The following TWSG1 variants were observed in gnomAD, a reference collection of about 807,000 sequenced individuals.
TWSG1 encodes the protein twisted gastrulation BMP signaling modulator 1.
In TWSG1, 15 loss-of-function variants were observed where a neutral mutation model predicts 23.0. That is an observed-to-expected ratio of 0.65 (90% confidence interval 0.44 to 1.00). The LOEUF is 1.00. Ranked by LOEUF, TWSG1 falls within the 50% of genes least tolerant of loss-of-function variation. The pLI is 0.00. For synonymous variants in TWSG1, 86 were observed against 92.8 expected, an observed-to-expected ratio of 0.93 and a Z score of 0.42; for missense variants, 242 against 278.7, an observed-to-expected ratio of 0.87 and a Z score of 0.94.
In TWSG1 at chr18:9,396,763, G is replaced by A. The variant is rs542338552; in HGVS notation, c.490+217G>A. ...AAAAAATATCTCCAATCCTTGAGTA[G>A]ATAAAAAGGCATGTCGGCTGGGCGT... On this transcript the variant is annotated intron_variant, in intron 4 of 4. Coordinates refer to ENST00000262120, the MANE Select transcript of TWSG1 (RefSeq NM_020648.6). The A allele has an allele frequency of 6.4e-6, 4 of 622,068 alleles. No homozygotes were observed. In the African/African-American group the frequency reaches 7.4e-5, roughly 12 times the overall value. 38.5% of individuals were successfully genotyped at this position (622,068 alleles called of 1,614,324 possible). A position where few individuals can be genotyped will look rare whatever the true frequency, so the allele number is the denominator to read the frequency against.
chr18:9,351,629 T>G lies in TWSG1; in HGVS notation c.124-8343T>G, dbSNP rs867950436. Among the ~76,000 whole-genome samples, 359 of 151,642 alleles carry G rather than the reference T, an allele frequency of 2.4e-3. 3 individuals are homozygous for G. Among genetic ancestry groups the G allele is most frequent in the African/African-American group, 7.7e-3 (318 of 41,446 alleles). On this transcript the variant is annotated intron_variant, in intron 2 of 4. Transcript: ENST00000262120. Reference sequence around the variant, plus strand: ...CCCAGTGTACCATGCTGGGTTTTTTTTTTTTTTTTTGTCTTTTTGTTTTTT... The same window carrying G: ...CCCAGTGTACCATGCTGGGTTTTTTGTTTTTTTTTTGTCTTTTTGTTTTTT...
In TWSG1 at chr18:9,396,363, C is replaced by T; in HGVS notation, c.307C>T (p.Leu103Phe). The change falls in exon 4 of 5, where the codon CTC (leucine) becomes TTC (phenylalanine). Residue 103 changes from leucine (L) to phenylalanine (F), a missense_variant. Coordinates refer to ENST00000262120, the MANE Select transcript of TWSG1 (RefSeq NM_020648.6). ...GGAGCTGCATGAACCGATCCCTTCTCTCTTCCGGGCACTCACAGAAGGAGA... is the reference window on the plus strand; with the variant it reads ...GGAGCTGCATGAACCGATCCCTTCTTTCTTCCGGGCACTCACAGAAGGAGA... ...VEELHEPIPS[L>F]FRALTEGDTQ... 3 of 1,614,186 alleles carry T rather than the reference C, an allele frequency of 1.9e-6. No homozygotes were observed. The highest frequency in any genetic ancestry group is 2.5e-6 in the Non-Finnish European group (3 of 1,180,036).
At chr18:9,380,823 T>C (rs908429493) in intron 3 of TWSG1, among the ~76,000 whole-genome samples, 8 of 152,198 alleles carry the variant, frequency 5.3e-5, no homozygotes, top group Admixed American at 3.3e-4. Flanking sequence ...TTTTTATGTT[T>C]ATCAAAACAG....
intron 2 of TWSG1, among the ~76,000 whole-genome samples, chr18:9,337,612 C>G (rs915148465): frequency 2.0e-5 from 3 of 151,944 alleles, no homozygotes; most frequent in Non-Finnish European, 4.4e-5. Flanking sequence ...AGGTGATGAG[C>G]ACTCTATTCA....
In TWSG1 at chr18:9,357,463, A is replaced by G. The variant is rs373285433; in HGVS notation, c.124-2509A>G. Among the ~76,000 whole-genome samples, 12 of 152,336 alleles carry G rather than the reference A, an allele frequency of 7.9e-5. No homozygotes were observed. In the East Asian group the frequency reaches 2.1e-3, roughly 27 times the overall value. The stretch of plus-strand genomic sequence containing the variant: ...GTGCTGCAAAAAATGTCGTATTAGA[A>G]TAATGGGCTGACTCTAATAGTGTAG... On this transcript the variant is annotated intron_variant, in intron 2 of 4. Transcript: ENST00000262120.
At chr18:9,380,074 C>G (rs1025131197) in intron 3 of TWSG1, among the ~76,000 whole-genome samples, 2 of 152,138 alleles carry the variant, frequency 1.3e-5, no homozygotes, top group Non-Finnish European at 2.9e-5. Context: ...TCTAGGAAAA[C>G]AGTTTTTAAT....
At chr18:9,343,197 G>T (rs2040453970) in intron 2 of TWSG1, among the ~76,000 whole-genome samples, 1 of 93,714 alleles carries the variant, frequency 1.1e-5, no homozygotes, top group Non-Finnish European at 2.2e-5. Context: ...GAAATGCCCT[G>T]TTTTGTTTTT....
In TWSG1 at chr18:9,373,577, C is replaced by A. The variant is rs77396580; in HGVS notation, c.223+13506C>A. Among the ~76,000 whole-genome samples, 895 of 152,246 alleles carry A rather than the reference C, an allele frequency of 5.9e-3. 10 individuals are homozygous for A. Among genetic ancestry groups the A allele is most frequent in the African/African-American group, 0.02 (839 of 41,564 alleles). On this transcript the variant is annotated intron_variant, in intron 3 of 4. Transcript: ENST00000262120. ...AAAACAAAACTCTGTGAGGCAAAAA[C>A]TAACAGAACTGCAGTAGAAATCCAC...
intron 3 of TWSG1, among the ~76,000 whole-genome samples, chr18:9,387,528 T>C (rs2040690584): frequency 6.6e-6 from 1 of 151,634 alleles, no homozygotes; most frequent in South Asian, 2.1e-4. Flanking sequence ...ACTTTGGGAG[T>C]CCGAGGTGGG....
chr18:9,359,734 T>G (rs528884192), intron 2 of TWSG1, among the ~76,000 whole-genome samples: 12 of 152,244 alleles, frequency 7.9e-5, no homozygotes, highest in African/African-American at 2.9e-4. Context: ...TAAAATATTT[T>G]CCTTATTTCA....
intron 2 of TWSG1, among the ~76,000 whole-genome samples, chr18:9,347,295 T>C (rs1030417398): frequency 6.6e-6 from 1 of 152,212 alleles, no homozygotes; most frequent in Non-Finnish European, 1.5e-5. Context: ...TTGGAGAGTA[T>C]TTTTTGCAGA....
At chr18:9,354,533 G>T (rs2040516143) in intron 2 of TWSG1, among the ~76,000 whole-genome samples, 1 of 152,184 alleles carries the variant, frequency 6.6e-6, no homozygotes, top group Admixed American at 6.5e-5. Flanking sequence ...TCTGTTTAAG[G>T]AGTGGAGACT....
At chr18:9,376,333 A>G (rs773191758) in intron 3 of TWSG1, among the ~76,000 whole-genome samples, 1 of 152,218 alleles carries the variant, frequency 6.6e-6, no homozygotes, top group Non-Finnish European at 1.5e-5. Flanking sequence ...TAGCCAACAC[A>G]ATATTGAAGG....
intron 3 of TWSG1, among the ~76,000 whole-genome samples, chr18:9,373,061 T>C (rs62087478): frequency 0.34 from 52,125 of 152,000 alleles, 9,056 homozygotes; most frequent in Admixed American, 0.37. Context: ...GGATGGAGAA[T>C]GATATACAAT....
chr18:9,346,071 T>C (rs924971776), intron 2 of TWSG1, among the ~76,000 whole-genome samples: 4 of 152,218 alleles, frequency 2.6e-5, no homozygotes, highest in African/African-American at 9.6e-5. Context: ...CATAATGTCT[T>C]GTATCTACCA....
intron 3 of TWSG1, among the ~76,000 whole-genome samples, chr18:9,385,932 G>A (rs979765339): frequency 4.6e-5 from 7 of 151,514 alleles, no homozygotes; most frequent in Non-Finnish European, 7.4e-5. Flanking sequence ...ACTTTGGGAG[G>A]CCAAGGCGGA....
At chr18:9,357,822 AAGG>A (rs1413046318) in intron 2 of TWSG1, among the ~76,000 whole-genome samples, 1 of 118,408 alleles carries the variant, frequency 8.4e-6, no homozygotes, top group African/African-American at 2.7e-5. Flanking sequence ...ATTATGCCAT[AAGG>A]AGGAGGAGCA....
chr18:9,355,042 G>A (rs911601587), intron 2 of TWSG1, among the ~76,000 whole-genome samples: 3 of 151,696 alleles, frequency 2.0e-5, no homozygotes, highest in African/African-American at 2.4e-5. Flanking sequence ...TGCATACTCC[G>A]CCTCCCAGGT....
At chr18:9,388,322 A>G (rs1343670042) in intron 3 of TWSG1, 1 of 152,244 alleles carries the variant, frequency 6.6e-6, no homozygotes, top group Non-Finnish European at 1.5e-5. Context: ...CTTTATCTCA[A>G]AATCAGAAGT....
Sources: allele counts gnomAD v4.1 joint callset (sites outside exome capture counted in the v4.1 genomes callset), GRCh38; gene constraint gnomAD v4.1.1; transcripts MANE v1.5; gene names NCBI Gene and HGNC (gene_info 2026-07-23, HGNC 2026-07-21).